SRRM4: variants seen among roughly 807,000 people sequenced by gnomAD.
SRRM4 encodes the protein serine/arginine repetitive matrix protein 4.
SRRM4 carries 33 observed loss-of-function variants against 68.9 expected under a neutral mutation model. That is an observed-to-expected ratio of 0.48 (90% confidence interval 0.36 to 0.64). The LOEUF (loss-of-function observed/expected upper bound fraction) is 0.64. Among genes scored for constraint, SRRM4 ranks in the 30% least tolerant of loss-of-function variants. The pLI, the probability that SRRM4 is intolerant of heterozygous loss-of-function variation, is 0.00. For synonymous variants in SRRM4, 318 were observed against 318.8 expected (o/e 1.00, Z 0.03); for missense variants, 817 against 827.1 (o/e 0.99, Z 0.15).
At chr12:119,092,867 T>C (rs1483963273) in intron 1 of SRRM4, among the ~76,000 whole-genome samples, 2 of 151,876 alleles carry the variant, frequency 1.3e-5, no homozygotes, top group Admixed American at 1.3e-4. Flanking sequence ...CAGATTCTTA[T>C]ACCTGATCCC....
chr12:119,075,107 G>A (rs1953900158), intron 1 of SRRM4, among the ~76,000 whole-genome samples: 2 of 152,136 alleles, frequency 1.3e-5, no homozygotes, highest in South Asian at 2.1e-4. Context: ...TCAGGTGAAA[G>A]TCAAAAACCA....
At chr12:119,118,609 T>G (rs1439066732) in intron 4 of SRRM4, among the ~76,000 whole-genome samples, 1 of 152,248 alleles carries the variant, frequency 6.6e-6, no homozygotes, top group Non-Finnish European at 1.5e-5. Context: ...GTGTCAGCAA[T>G]CTTTCCCCAA....
chr12:119,111,082 A>G (rs554472713), intron 2 of SRRM4, among the ~76,000 whole-genome samples: 2 of 152,304 alleles, frequency 1.3e-5, no homozygotes, highest in African/African-American at 4.8e-5. Flanking sequence ...TTGTTTAACC[A>G]CTACAGACTT....
At chr12:119,130,877 C>T (rs1373007758) in intron 8 of SRRM4, 43 bp downstream of exon 8, 3 of 1,579,198 alleles carry the variant, frequency 1.9e-6, no homozygotes, top group Non-Finnish European at 2.6e-6. Context: ...TTGGCCACGA[C>T]ACTTGGGGAA....
chr12:118,990,814 G>GT (rs142635868), intron 1 of SRRM4, among the ~76,000 whole-genome samples: 3,714 of 152,040 alleles, frequency 0.024, 137 homozygotes, highest in African/African-American at 0.084. Context: ...TCTTGTTTGT[G>GT]TTTTTTTGGT....
rs766321545 is a variant in SRRM4, at chr12:119,114,281, C to G, written c.282C>G (p.Ala94=). The G allele has an allele frequency of 6.2e-7, 1 of 1,612,120 alleles. No individual in the cohort carries two copies. Among genetic ancestry groups the G allele is most frequent in the South Asian group, 1.1e-5 (1 of 90,504 alleles). Residue 94 remains alanine (A), a synonymous_variant, in exon 3 of 13, where the codon GCC becomes GCG. Transcript: ENST00000267260. ...CTCCTCTCTTTGCTCCTCACAGTGC[C>G]TCTCATGACAAAGACTTGACACCAC... is the stretch of plus-strand genomic sequence containing the variant. ...RELGATRGHS[A]SHDKDLTPPP...
intron 1 of SRRM4, among the ~76,000 whole-genome samples, chr12:119,037,910 T>C (rs1036442750): frequency 1.4e-4 from 22 of 152,222 alleles, no homozygotes; most frequent in Non-Finnish European, 2.5e-4. Context: ...ATGAGGATAG[T>C]AATATTCTCT....
chr12:119,108,720 A>C (rs1954123949), intron 2 of SRRM4, among the ~76,000 whole-genome samples: 1 of 151,916 alleles, frequency 6.6e-6, no homozygotes, highest in South Asian at 2.1e-4. Context: ...GTGTCTCTGC[A>C]GGTGAGATGG....
rs1179233347 is a variant in SRRM4, at chr12:119,160,618, G to A, written c.*3820G>A. On this transcript the variant is annotated 3_prime_UTR_variant, in exon 13 of 13. Transcript: ENST00000267260. ...ACCTTCCCGCTATGGAAGTGCACTGGATGACAGAAACTGAATACATTGCTC... is the reference window on the plus strand; with the variant it reads ...ACCTTCCCGCTATGGAAGTGCACTGAATGACAGAAACTGAATACATTGCTC... 4 of 152,148 alleles carry A rather than the reference G, an allele frequency of 2.6e-5. No individual in the cohort carries two copies. Among genetic ancestry groups the A allele is most frequent in the Non-Finnish European group, 5.9e-5 (4 of 68,018 alleles). 9.4% of individuals were successfully genotyped at this position (152,148 alleles called of 1,614,324 possible).
intron 1 of SRRM4, among the ~76,000 whole-genome samples, chr12:119,002,908 C>T (rs1431396266): frequency 6.7e-6 from 1 of 150,372 alleles, no homozygotes; most frequent in African/African-American, 2.4e-5. Flanking sequence ...CCAGTGTTTA[C>T]ACCATGCTGC....
intron 1 of SRRM4, among the ~76,000 whole-genome samples, chr12:119,081,222 A>G (rs1953945769): frequency 6.6e-6 from 1 of 152,242 alleles, no homozygotes; most frequent in Non-Finnish European, 1.5e-5. Context: ...TTACAGGGTA[A>G]TAAATACTAT....
intron 9 of SRRM4, 81 bp from the exon 10 acceptor site, chr12:119,150,936 G>A (rs1954434875): frequency 2.9e-6 from 4 of 1,365,222 alleles, no homozygotes; most frequent in Non-Finnish European, 4.1e-6. Flanking sequence ...CCACAGCCTA[G>A]GCCAAGGTAG....
At chr12:119,022,381 C>T (rs531347459) in intron 1 of SRRM4, among the ~76,000 whole-genome samples, 1 of 152,276 alleles carries the variant, frequency 6.6e-6, no homozygotes, top group South Asian at 2.1e-4. Flanking sequence ...ATGGTTATTA[C>T]CCGGTGGGGC....
chr12:119,145,539 G>A lies in SRRM4; in HGVS notation c.930G>A (p.Gly310=), dbSNP rs939131646. 1.9e-6 allele frequency: 3 copies of A among 1,608,136 alleles called. No homozygotes were observed. Among genetic ancestry groups the A allele is most frequent in the Non-Finnish European group, 2.5e-6 (3 of 1,176,826 alleles). The change falls in exon 9 of 13, where the codon GGG becomes GGA. Residue 310 remains glycine, a synonymous_variant. Transcript: ENST00000267260. ...SSARSRGQEK[G]SPSGGLSKSR... ...CCAGGTCTCGGGGCCAGGAGAAGGGGAGCCCCAGTGGGGGCTTGAGCAAGA... is the reference window on the plus strand; with the variant it reads ...CCAGGTCTCGGGGCCAGGAGAAGGGAAGCCCCAGTGGGGGCTTGAGCAAGA...
At chr12:119,005,147 G>A (rs1363256426) in intron 1 of SRRM4, among the ~76,000 whole-genome samples, 1 of 152,212 alleles carries the variant, frequency 6.6e-6, no homozygotes, top group Admixed American at 6.5e-5. Flanking sequence ...GGGACAGTCA[G>A]GAACAGACTG....
rs943353462 is a variant in SRRM4 at position 119,077,285 on chromosome 12, G to C, written c.132-24951G>C. Among the ~76,000 whole-genome samples the C allele has an allele frequency of 2.0e-5, 3 of 152,106 alleles. 1 individual carries two copies. Among genetic ancestry groups the C allele is most frequent in the Admixed American group, 2.0e-4 (3 of 15,272 alleles). On this transcript the variant is annotated intron_variant, in intron 1 of 12. Transcript: ENST00000267260. The stretch of plus-strand genomic sequence containing the variant: ...GCCTTCAAATCCTGGGGTCTGATGT[G>C]GGCCCAGAAGTTTTCATTTCACACA...
intron 1 of SRRM4, chr12:119,001,362 T>A (rs2135993389): frequency 6.6e-6 from 1 of 152,316 alleles, no homozygotes; most frequent in Non-Finnish European, 1.5e-5. Flanking sequence ...CTAAGATAAC[T>A]GGGAAGGGCA....
At chr12:119,122,961 C>T (rs1030037705) in intron 6 of SRRM4, among the ~76,000 whole-genome samples, 2 of 152,222 alleles carry the variant, frequency 1.3e-5, no homozygotes, top group African/African-American at 4.8e-5. Context: ...AAATCAGCCA[C>T]TGCTGCCTGT....
Position 119,050,847 on chromosome 12 carries a change from G to A in SRRM4, c.132-51389G>A, listed in dbSNP as rs61650139. 9.0e-3 allele frequency among the ~76,000 whole-genome samples: 1,374 copies of A among 151,960 alleles called. 20 individuals are homozygous for A. Among genetic ancestry groups the A allele is most frequent in the African/African-American group, 0.03 (1,260 of 41,472 alleles). On this transcript the variant is annotated intron_variant, in intron 1 of 12. Transcript: ENST00000267260. ...ATAAATTAAAAGTTTATTATTAAAT[G>A]TACTATTTATTTAATATTAATTTAT... is the stretch of plus-strand genomic sequence containing the variant.
Sources: gnomAD v4.1 joint callset for allele counts (sites outside exome capture counted in the v4.1 genomes callset) on GRCh38, gnomAD v4.1.1 for gene constraint, MANE v1.5 for transcripts, NCBI Gene and HGNC (gene_info 2026-07-23, HGNC 2026-07-21) for gene names.